MRO: variants seen among roughly 807,000 people sequenced by gnomAD.
MRO encodes the protein protein maestro.
In MRO, 28 loss-of-function variants were observed where a neutral mutation model predicts 31.0. The ratio of observed to expected loss-of-function variants is 0.90; its 90% CI spans 0.67 to 1.24. The LOEUF (loss-of-function observed/expected upper bound fraction) is 1.24. Among genes scored for constraint, MRO ranks in the 50% most tolerant of loss-of-function variants. MRO has a pLI of 0.00. For synonymous variants in MRO, 108 were observed against 108.4 expected (o/e 1.00, Z 0.02); for missense variants, 332 against 289.2 (o/e 1.15, Z -1.07).
At position 50,799,388 on chromosome 18, in the gene MRO, G is replaced by A. The variant is rs1156651881; in HGVS notation, c.696C>T (p.Ser232=). The A allele has an allele frequency of 1.9e-6, 3 of 1,613,862 alleles. No homozygotes were observed. Among genetic ancestry groups the A allele is most frequent in the Non-Finnish European group, 2.5e-6 (3 of 1,179,764 alleles). The change falls in exon 8 of 8, where the codon AGC becomes AGT. Residue 232 remains serine, a splice_region_variant and synonymous_variant. Coordinates refer to ENST00000398439, the MANE Select transcript of MRO (RefSeq NM_031939.6). ...ACTGCAGGATCTCTGGATGATAGTG[G>A]CTCTGAAAGAAATTAGCAAAGGTAC... The part of the protein sequence containing the change: ...QRNTKLYQQL[S]HYHPEILQFF...
rs926288753 is a variant in MRO at position 50,802,212 on chromosome 18, C to T, written c.430-708G>A. 4.6e-5 allele frequency among the ~76,000 whole-genome samples: 7 copies of T among 152,236 alleles called. No individual in the cohort carries two copies. In the East Asian group the frequency reaches 7.7e-4, roughly 17 times the overall value. On this transcript the variant is annotated intron_variant, in intron 5 of 7. Coordinates refer to ENST00000398439, the MANE Select transcript of MRO (RefSeq NM_031939.6). ...CTCCAGCATTTTTGCCAAGTCTCTT[C>T]TCTTTGCTTTTGGTTTGAGTTTCTC...
intron 5 of MRO, among the ~76,000 whole-genome samples, chr18:50,802,900 GTGTA>G (rs1471463108): frequency 3.2e-5 from 4 of 126,492 alleles, no homozygotes; most frequent in Non-Finnish European, 6.6e-5. Flanking sequence ...GTGAGTGTTT[GTGTA>G]TGTGTGTGTG....
chr18:50,820,783 A>C (rs982254945), upstream of MRO, among the ~76,000 whole-genome samples: 3 of 152,346 alleles, frequency 2.0e-5, no homozygotes, highest in East Asian at 1.9e-4. Flanking sequence ...GGCTAATGTA[A>C]GAGCTTGGAC....
At chr18:50,819,805 C>A (rs1915226898) in intron 1 of MRO, 92 bp downstream of exon 1, 1 of 1,541,856 alleles carries the variant, frequency 6.5e-7, no homozygotes, top group South Asian at 1.2e-5. Flanking sequence ...AGGGGAAAGT[C>A]AAAGTTTATA....
rs138797059 is a variant in MRO at position 50,799,314 on chromosome 18, A to G, written c.*23T>C. The G allele has an allele frequency of 1.6e-4, 258 of 1,605,572 alleles. 3 individuals are homozygous for G. In the African/African-American group the frequency reaches 3.1e-3, roughly 19 times the overall value. On this transcript the variant is annotated 3_prime_UTR_variant, in exon 8 of 8. Coordinates refer to ENST00000398439, the MANE Select transcript of MRO (RefSeq NM_031939.6). ...TGGCTCAGCAATGCACTCATACAGA[A>G]CCATTTCCCTGCTGCTCTGCGCTTA...
chr18:50,819,021 C>G (rs1599045718), intron 2 of MRO, among the ~76,000 whole-genome samples: 1 of 151,754 alleles, frequency 6.6e-6, no homozygotes, highest in South Asian at 2.1e-4. Flanking sequence ...CCACCGCACC[C>G]CAGCTTGGGC....
rs1267404686 is a variant in MRO, at chr18:50,798,279, T to C, written c.*1058A>G. 1 of 152,144 alleles carries C rather than the reference T, an allele frequency of 6.6e-6. No individual in the cohort carries two copies. Among genetic ancestry groups the C allele is most frequent in the Non-Finnish European group, 1.5e-5 (1 of 68,024 alleles). The allele number at this position is 152,144 out of a possible 1,614,324, so 9.4% of individuals were successfully genotyped here. On this transcript the variant is annotated 3_prime_UTR_variant, in exon 8 of 8. Transcript: ENST00000398439. ...ACATTAATAGCCAAAAAGTAATTAA[T>C]AAAAACACTCAGCTCACATAAATTA...
chr18:50,800,402 A>G (rs1371696607), intron 6 of MRO, among the ~76,000 whole-genome samples: 1 of 152,202 alleles, frequency 6.6e-6, no homozygotes, highest in East Asian at 1.9e-4. Flanking sequence ...CAAAAGTAGT[A>G]CTGGATTCCT....
At position 50,800,962 on chromosome 18, in the gene MRO, AG is replaced by A. The variant is rs139706073; in HGVS notation, c.585+386del. On this transcript the variant is annotated intron_variant, in intron 6 of 7. Coordinates refer to ENST00000398439, the MANE Select transcript of MRO (RefSeq NM_031939.6). ...AGGAAGGAAGGAAAGAAAAGAGAAAAGAACAGAAAAGAAAAGAAGCCATGGG... is the reference window on the plus strand; with the variant it reads ...AGGAAGGAAGGAAAGAAAAGAGAAAAAACAGAAAAGAAAAGAAGCCATGGG... Among the ~76,000 whole-genome samples, 556 of 152,160 alleles carry A rather than the reference AG, an allele frequency of 3.7e-3. 4 individuals are homozygous for A. The highest frequency in any genetic ancestry group is 0.012 in the African/African-American group (515 of 41,528).
intron 5 of MRO, among the ~76,000 whole-genome samples, chr18:50,801,762 T>C (rs757182624): frequency 2.0e-5 from 3 of 152,318 alleles, no homozygotes; most frequent in East Asian, 1.9e-4. Context: ...AGGACTAGCC[T>C]GGGAAATCAC....
intron 5 of MRO, among the ~76,000 whole-genome samples, chr18:50,802,940 T>TGTGTGTGTGTGG (rs1913528120): frequency 6.6e-6 from 1 of 151,414 alleles, no homozygotes; most frequent in African/African-American, 2.4e-5. Context: ...TGTGTGTGTG[T>TGTGTGTGTGTGG]GTTTAACAAA....
intron 5 of MRO, among the ~76,000 whole-genome samples, chr18:50,802,010 C>T (rs1464838107): frequency 6.6e-6 from 1 of 152,192 alleles, no homozygotes; most frequent in African/African-American, 2.4e-5. Flanking sequence ...ATAATCCTTT[C>T]CCTCTTTTTT....
At position 50,795,292 on chromosome 18, in the gene MRO, C is replaced by T. The variant is rs1170860259; in HGVS notation, c.*4045G>A. 1 of 152,160 alleles carries T rather than the reference C, an allele frequency of 6.6e-6. No homozygotes were observed. Among genetic ancestry groups the T allele is most frequent in the Non-Finnish European group, 1.5e-5 (1 of 68,034 alleles). The allele number at this position is 152,160 out of a possible 1,614,324, so 9.4% of individuals were successfully genotyped here. On this transcript the variant is annotated 3_prime_UTR_variant, in exon 8 of 8. Coordinates refer to ENST00000398439, the MANE Select transcript of MRO (RefSeq NM_031939.6). ...TTCCAAAGCATATATATCACTTACA[C>T]TCATGGACTTTTTTTTCATTTTAAA...
At chr18:50,825,217 A>G (rs986122919) in intron 1 of MRO, 13 of 152,192 alleles carry the variant, frequency 8.5e-5, no homozygotes, top group Non-Finnish European at 1.6e-4. Context: ...TTTCAGTTGA[A>G]CTGGTTAAGT....
In MRO at chr18:50,796,275, G is replaced by C. The variant is rs541438195; in HGVS notation, c.*3062C>G. On this transcript the variant is annotated 3_prime_UTR_variant, in exon 8 of 8. Transcript: ENST00000398439. ...CTCCCAGTAAGGAATGACAGCTTCA[G>C]ATGACTTTCTGACATTTTTCCCCCT... The C allele has an allele frequency of 6.6e-6, 1 of 152,188 alleles. No individual in the cohort carries two copies. Among genetic ancestry groups the C allele is most frequent in the Admixed American group, 6.5e-5 (1 of 15,284 alleles). The allele number at this position is 152,188 out of a possible 1,614,324, so 9.4% of individuals were successfully genotyped here.
At chr18:50,802,911 TGTGTA>T (rs1170364637) in intron 5 of MRO, among the ~76,000 whole-genome samples, 23 of 117,404 alleles carry the variant, frequency 2.0e-4, no homozygotes, top group African/African-American at 6.9e-4. Context: ...TGTATGTGTG[TGTGTA>T]GTGTGTGTGT....
At chr18:50,799,559 C>T (rs1341472202) in intron 7 of MRO, among the ~76,000 whole-genome samples, 169 bp from the exon 8 acceptor site, 1 of 152,138 alleles carries the variant, frequency 6.6e-6, no homozygotes, top group Non-Finnish European at 1.5e-5. Flanking sequence ...ATATCTCGTG[C>T]TTGATCCTCT....
upstream of MRO, chr18:50,823,586 C>G (rs771390744): frequency 2.0e-5 from 3 of 152,174 alleles, no homozygotes; most frequent in Non-Finnish European, 2.9e-5. Context: ...AATGGTTTGC[C>G]TATCCCTTGA....
At chr18:50,822,032 T>G (rs1193395170), upstream of MRO, among the ~76,000 whole-genome samples, 2 of 152,228 alleles carry the variant, frequency 1.3e-5, no homozygotes, top group Middle Eastern at 3.2e-3. Context: ...CTTTGGAAAT[T>G]AGAGGGCAAG....
Sources: gnomAD v4.1 joint callset for allele counts (sites outside exome capture counted in the v4.1 genomes callset) on GRCh38, gnomAD v4.1.1 for gene constraint, MANE v1.5 for transcripts, NCBI Gene and HGNC (gene_info 2026-07-23, HGNC 2026-07-21) for gene names.